Variants in DLEC1 observed in about 807,000 individuals in gnomAD.
The protein encoded by DLEC1 is DLEC1 cilia and flagella associated protein, also known as deleted in lung and esophageal cancer protein 1.
A neutral mutation model predicts 198.1 loss-of-function variants in DLEC1; 146 were observed. The observed-to-expected ratio is 0.74, with a 90% confidence interval of 0.64 to 0.85. The LOEUF (loss-of-function observed/expected upper bound fraction) is 0.85, where lower values mean the gene tolerates loss of function less well. Among genes scored for constraint, DLEC1 ranks in the 40% least tolerant of loss-of-function variants. The pLI is 0.00. For synonymous variants in DLEC1, 897 were observed against 866.8 expected (o/e 1.03, Z -0.61); for missense variants, 2,233 against 2,220.0 (o/e 1.01, Z -0.12).
intron 7 of DLEC1, 149 bp from the exon 8 acceptor site, chr3:38,085,125 C>T (rs1698380528): frequency 4.9e-6 from 4 of 808,986 alleles, no homozygotes; most frequent in Admixed American, 5.1e-5. Context: ...GCTCCCCTCG[C>T]ATGCCCTTTT....
chr3:38,075,575 G>A (rs904855251), intron 6 of DLEC1, among the ~76,000 whole-genome samples: 11 of 152,122 alleles, frequency 7.2e-5, no homozygotes, highest in Middle Eastern at 3.4e-3. Flanking sequence ...GAAGGGGTTC[G>A]GGGGTTCTTA....
rs552912037 is a variant in DLEC1 at position 38,087,553 on chromosome 3, C to G, written c.1573-743C>G. Among the ~76,000 whole-genome samples, 251 of 130,470 alleles carry G rather than the reference C, an allele frequency of 1.9e-3. 1 individual carries two copies. Among genetic ancestry groups the G allele is most frequent in the African/African-American group, 2.7e-3 (90 of 32,832 alleles). 85.6% of individuals were successfully genotyped at this position (130,470 alleles called of 152,430 possible). ...CACTGACACCATCCATCAGCATGCT[C>G]ACACCATCCATCAGCACTGACACCA... is the stretch of plus-strand genomic sequence containing the variant. On this transcript the variant is annotated intron_variant, in intron 9 of 36. Transcript: ENST00000308059.
At chr3:38,089,363 G>A (rs976988558) in intron 10 of DLEC1, among the ~76,000 whole-genome samples, 1 of 152,224 alleles carries the variant, frequency 6.6e-6, no homozygotes, top group Non-Finnish European at 1.5e-5. Flanking sequence ...GAGTTCAACT[G>A]CCACAGCGAC....
At chr3:38,072,039 A>G (rs1420550112) in intron 6 of DLEC1, among the ~76,000 whole-genome samples, 1 of 152,224 alleles carries the variant, frequency 6.6e-6, no homozygotes, top group Non-Finnish European at 1.5e-5. Context: ...ACTGCCATCA[A>G]TAAACCAAGT....
chr3:38,120,695 C>T, intron 34 of DLEC1, 86 bp downstream of exon 34: 1 of 1,544,502 alleles, frequency 6.5e-7, no homozygotes, highest in Non-Finnish European at 8.8e-7. Flanking sequence ...AAAGACCTAG[C>T]AGGGCCCTCA....
At chr3:38,122,048 G>A (rs1477478928) in intron 35 of DLEC1, 23 bp from the exon 36 acceptor site, 38 of 1,612,516 alleles carry the variant, frequency 2.4e-5, no homozygotes, top group Non-Finnish European at 3.1e-5. Flanking sequence ...GCACTCATGT[G>A]TCTTCCCTTC....
intron 2 of DLEC1, chr3:38,052,242 G>A (rs558274896): frequency 4.6e-5 from 22 of 477,202 alleles, no homozygotes; most frequent in Middle Eastern, 3.5e-4. Context: ...AGTACCTGAT[G>A]ACCAGAGACT....
intron 17 of DLEC1, 53 bp downstream of exon 17, chr3:38,097,690 G>A (rs1210286490): frequency 9.3e-6 from 15 of 1,613,694 alleles, no homozygotes; most frequent in Non-Finnish European, 1.3e-5. Context: ...TGGCAGGGCT[G>A]GGACACTGAG....
At chr3:38,052,567 G>A (rs1225185759) in intron 2 of DLEC1, among the ~76,000 whole-genome samples, 1 of 152,208 alleles carries the variant, frequency 6.6e-6, no homozygotes, top group African/African-American at 2.4e-5. Context: ...GCTGCCTCCT[G>A]TGAACAGCAA....
intron 2 of DLEC1, 48 bp downstream of exon 2, chr3:38,045,741 A>G (rs1700860183): frequency 5.8e-6 from 9 of 1,554,294 alleles, no homozygotes; most frequent in Non-Finnish European, 7.8e-6. Context: ...CGGGCTGTTG[A>G]TATTTCACTG....
At position 38,059,740 on chromosome 3, in the gene DLEC1, A is replaced by C; in HGVS notation, c.563-2A>C. On this transcript the variant is annotated splice_acceptor_variant, in intron 2 of 36. Transcript: ENST00000308059. LOFTEE classifies it high-confidence loss of function. The stretch of plus-strand genomic sequence containing the variant: ...CTTGTTCTCCCCTTCCCTTCTATGA[A>C]GTGAAGAGTGTCTCCAGATGGTGTA... 2 of 1,613,176 alleles carry C rather than the reference A, an allele frequency of 1.2e-6. No individual in the cohort carries two copies. Among genetic ancestry groups the C allele is most frequent in the Non-Finnish European group, 1.7e-6 (2 of 1,179,600 alleles).
At chr3:38,049,993 A>G (rs1035135981) in intron 2 of DLEC1, among the ~76,000 whole-genome samples, 1 of 152,170 alleles carries the variant, frequency 6.6e-6, no homozygotes, top group Non-Finnish European at 1.5e-5. Flanking sequence ...GAGTTTTGGA[A>G]AGGAAGGCCA....
chr3:38,039,252 G>A lies in DLEC1; in HGVS notation c.27G>A (p.Arg9=). Residue 9 remains arginine (R), a synonymous_variant, in exon 1 of 37, where the codon CGG becomes CGA. Coordinates refer to ENST00000308059, the MANE Select transcript of DLEC1 (RefSeq NM_007335.4). The part of the protein sequence containing the change: METRSSKT[R]RSLASRTNEC... Reference sequence around the variant, plus strand: ...TGGAGACCAGGAGCTCCAAAACGCGGAGGTCTTTAGCGTCCCGGACCAACG... The same window carrying A: ...TGGAGACCAGGAGCTCCAAAACGCGAAGGTCTTTAGCGTCCCGGACCAACG... 1 of 1,610,018 alleles carries A rather than the reference G, an allele frequency of 6.2e-7. No individual in the cohort carries two copies. Among genetic ancestry groups the A allele is most frequent in the Non-Finnish European group, 8.5e-7 (1 of 1,177,350 alleles).
At chr3:38,086,001 G>C (rs1432933007) in intron 8 of DLEC1, among the ~76,000 whole-genome samples, 2 of 152,222 alleles carry the variant, frequency 1.3e-5, no homozygotes, top group Non-Finnish European at 2.9e-5. Context: ...ACTGACTTCT[G>C]CTGCTCTAGC....
rs374397648 is a variant in DLEC1, at chr3:38,123,021, G to A, written c.*609G>A. 4.4e-5 allele frequency: 71 copies of A among 1,612,046 alleles called. No homozygotes were observed. The highest frequency in any genetic ancestry group is 9.3e-5 in the African/African-American group (7 of 74,882). On this transcript the variant is annotated 3_prime_UTR_variant, in exon 37 of 37. Transcript: ENST00000308059. Reference sequence around the variant, plus strand: ...CTGCTAGAGCAGCAGGACTGTCTGCGTAGCGCCTCCAGCCTGGGACCTCAC... The same window carrying A: ...CTGCTAGAGCAGCAGGACTGTCTGCATAGCGCCTCCAGCCTGGGACCTCAC...
At chr3:38,085,653 C>T (rs138615188) in intron 8 of DLEC1, among the ~76,000 whole-genome samples, 172 of 152,170 alleles carry the variant, frequency 1.1e-3, no homozygotes, top group African/African-American at 4.1e-3. Flanking sequence ...TTTGGGTTTT[C>T]TCAGTGGAGG....
chr3:38,103,020 A>C (rs968136111), intron 19 of DLEC1: 1 of 152,184 alleles, frequency 6.6e-6, no homozygotes, highest in African/African-American at 2.4e-5. Flanking sequence ...TATGGGGTAC[A>C]TGTGCAATTG....
chr3:38,066,189 G>A (rs909395241), intron 6 of DLEC1, among the ~76,000 whole-genome samples: 2 of 152,174 alleles, frequency 1.3e-5, no homozygotes, highest in African/African-American at 2.4e-5. Flanking sequence ...TCTCTATAAA[G>A]TTCTTATCAA....
chr3:38,114,555 A>C, intron 26 of DLEC1, 95 bp downstream of exon 26: 1 of 1,288,420 alleles, frequency 7.8e-7, no homozygotes, highest in Non-Finnish European at 1.1e-6. Context: ...GTTATTCTCC[A>C]GCTGGCCTAG....
Sources: gnomAD v4.1 joint callset for allele counts (sites outside exome capture counted in the v4.1 genomes callset) on GRCh38, gnomAD v4.1.1 for gene constraint, MANE v1.5 for transcripts, NCBI Gene and HGNC (gene_info 2026-07-23, HGNC 2026-07-21) for gene names.